The following IGF1R variants were observed in gnomAD, a reference collection of about 807,000 sequenced individuals.
IGF1R encodes insulin-like growth factor 1 receptor.
A neutral mutation model predicts 144.6 loss-of-function variants in IGF1R; 44 were observed. The observed-to-expected ratio is 0.30, with a 90% CI of 0.24 to 0.39. The LOEUF (loss-of-function observed/expected upper bound fraction) is 0.39, where lower values mean the gene tolerates loss of function less well. Ranked by LOEUF, IGF1R falls within the 10% of genes least tolerant of loss-of-function variation. The pLI is 1.00. For missense variants in IGF1R, 1,355 were observed against 1,833.7 expected (o/e 0.74, Z 4.77); for synonymous variants, 795 against 722.8 (o/e 1.10, Z -1.60).
rs1567089950 is a variant in IGF1R at position 98,712,965 on chromosome 15, C to T, written c.640+4858C>T. Among the ~76,000 whole-genome samples, 4 of 150,204 alleles carry T rather than the reference C, an allele frequency of 2.7e-5. No homozygotes were observed. In the Admixed American group the frequency reaches 2.7e-4, roughly 10 times the overall value. On this transcript the variant is annotated intron_variant, in intron 2 of 20. Coordinates refer to ENST00000650285, the MANE Select transcript of IGF1R (RefSeq NM_000875.5). ...CCCTACCTGAAATCCTGTAGCAAGTCCCTATAGGATAGGCATGTGGTACAG... is the reference window on the plus strand; with the variant it reads ...CCCTACCTGAAATCCTGTAGCAAGTTCCTATAGGATAGGCATGTGGTACAG...
chr15:98,844,277 T>C (rs1440388739), intron 2 of IGF1R, among the ~76,000 whole-genome samples: 1 of 152,174 alleles, frequency 6.6e-6, no homozygotes, highest in East Asian at 1.9e-4. Flanking sequence ...TAAATAAATT[T>C]GGAAGACAAA....
At chr15:98,666,952 G>C (rs983912583) in intron 1 of IGF1R, among the ~76,000 whole-genome samples, 7 of 151,904 alleles carry the variant, frequency 4.6e-5, no homozygotes, top group African/African-American at 1.7e-4. Flanking sequence ...TTGTTTATGC[G>C]AGTATATGTG....
intron 2 of IGF1R, among the ~76,000 whole-genome samples, chr15:98,866,759 C>T (rs999908070): frequency 5.9e-5 from 9 of 152,130 alleles, no homozygotes; most frequent in Non-Finnish European, 8.8e-5. Context: ...AATAGATAAG[C>T]ACGAGTGAGG....
At chr15:98,786,808 A>G (rs1403554554) in intron 2 of IGF1R, among the ~76,000 whole-genome samples, 1 of 152,162 alleles carries the variant, frequency 6.6e-6, no homozygotes, top group East Asian at 1.9e-4. Context: ...TGCCTGCATG[A>G]CTGTAGGACA....
At position 98,847,089 on chromosome 15, in the gene IGF1R, C is replaced by A. The variant is rs943352223; in HGVS notation, c.641-44236C>A. On this transcript the variant is annotated intron_variant, in intron 2 of 20. Coordinates refer to ENST00000650285, the MANE Select transcript of IGF1R (RefSeq NM_000875.5). ...CCTCCTGGGTTCAAGTGATTCTCATCCCTCAGTTTCCCAAGTAGCTGGGAT... is the reference window on the plus strand; with the variant it reads ...CCTCCTGGGTTCAAGTGATTCTCATACCTCAGTTTCCCAAGTAGCTGGGAT... Among the ~76,000 whole-genome samples, 9 of 152,174 alleles carry A rather than the reference C, an allele frequency of 5.9e-5. No individual in the cohort carries two copies. In the East Asian group the frequency reaches 1.5e-3, roughly 26 times the overall value.
At chr15:98,666,626 C>G (rs1169005272) in intron 1 of IGF1R, among the ~76,000 whole-genome samples, 1 of 152,114 alleles carries the variant, frequency 6.6e-6, no homozygotes, top group East Asian at 1.9e-4. Context: ...GTGAAAGAAG[C>G]CAGTCATGAA....
In IGF1R at chr15:98,957,770, TCTCTCTC is replaced by T. The variant is rs1466832391; in HGVS notation, c.*335_*341del. On this transcript the variant is annotated 3_prime_UTR_variant, in exon 21 of 21. Transcript: ENST00000650285. Reference sequence around the variant, plus strand: ...TCCCTGTCCTTCCCTGTTCTCCCTTTCTCTCTCCTCTCTGCTTCATAACGGAAAAATA... The same window carrying T: ...TCCCTGTCCTTCCCTGTTCTCCCTTTCTCTCTGCTTCATAACGGAAAAATA... The T allele has an allele frequency of 2.5e-5, 10 of 403,254 alleles. No homozygotes were observed. In the South Asian group the frequency reaches 2.7e-4, roughly 11 times the overall value. 25.0% of individuals were successfully genotyped at this position (403,254 alleles called of 1,614,324 possible).
chr15:98,826,157 C>T (rs958423979), intron 2 of IGF1R, among the ~76,000 whole-genome samples: 1 of 152,178 alleles, frequency 6.6e-6, no homozygotes, highest in African/African-American at 2.4e-5. Context: ...CAAATTTCTA[C>T]CCCAAATCTG....
intron 2 of IGF1R, among the ~76,000 whole-genome samples, chr15:98,750,975 G>C (rs1425232554): frequency 6.6e-6 from 1 of 151,870 alleles, no homozygotes; most frequent in South Asian, 2.1e-4. Context: ...TTTTTTTGTA[G>C]AGACAGGGTT....
At chr15:98,892,751 C>CA (rs2013991574) in intron 3 of IGF1R, among the ~76,000 whole-genome samples, 1 of 152,110 alleles carries the variant, frequency 6.6e-6, no homozygotes, top group Non-Finnish European at 1.5e-5. Flanking sequence ...TTTAGGGGCT[C>CA]ACGCCTGTAA....
chr15:98,957,036 C>A (rs759906076), intron 20 of IGF1R, 25 bp from the exon 21 acceptor site: 1 of 1,613,870 alleles, frequency 6.2e-7, no homozygotes, highest in Non-Finnish European at 8.5e-7. Context: ...CGGTTTGGAC[C>A]CCCTCCCGTG....
At chr15:98,702,659 G>A (rs2053764312) in intron 1 of IGF1R, among the ~76,000 whole-genome samples, 1 of 152,166 alleles carries the variant, frequency 6.6e-6, no homozygotes, top group South Asian at 2.1e-4. Flanking sequence ...GCATCTTTTG[G>A]CCAGGTGTGG....
rs1184695676 is a variant in IGF1R at position 98,916,783 on chromosome 15, C to G, written c.2108C>G (p.Pro703Arg). Residue 703 changes from proline (P) to arginine (R), a missense_variant, in exon 10 of 21, where the codon CCC becomes CGC. Physicochemically the swap from Pro to Arg is moderately radical, Grantham distance 103 (BLOSUM62 -2). Around this residue, in one of 7 missense-constraint regions of IGF1R, gnomAD observed 880 missense variants for 1,202.7 expected, o/e 0.73. Coordinates refer to ENST00000650285, the MANE Select transcript of IGF1R (RefSeq NM_000875.5). ...GGEKGPCCACPKTEAEKQAEK... is the reference protein window; with the variant it reads ...GGEKGPCCACRKTEAEKQAEK... ...GAGAAAGGGCCTTGCTGCGCCTGCC[C>G]CAAAACTGAAGCCGAGAAGCAGGCC... The G allele has an allele frequency of 6.2e-7, 1 of 1,614,040 alleles. No homozygotes were observed.
At chr15:98,859,347 G>A (rs918004286) in intron 2 of IGF1R, among the ~76,000 whole-genome samples, 3 of 152,162 alleles carry the variant, frequency 2.0e-5, no homozygotes, top group East Asian at 1.9e-4. Context: ...CACACACTTC[G>A]CAGGTGGTAA....
rs1242386396 is a variant in IGF1R at position 98,671,575 on chromosome 15, C to T, written c.94+21900C>T. On this transcript the variant is annotated intron_variant, in intron 1 of 20. Coordinates refer to ENST00000650285, the MANE Select transcript of IGF1R (RefSeq NM_000875.5). ...CTGGCCCTTCTCTTTTCTCTCAAGT[C>T]TCAGCTCTTTTAAGATTCAGAAAAT... Among the ~76,000 whole-genome samples the T allele has an allele frequency of 9.9e-5, 15 of 152,206 alleles. 1 individual carries two copies. Among genetic ancestry groups the T allele is most frequent in the Admixed American group, 9.8e-4 (15 of 15,278 alleles).
Position 98,963,649 on chromosome 15 carries a change from G to C in IGF1R, c.*6207G>C, listed in dbSNP as rs2017314152. ...TCATGATGATTACAGCATACACAGT[G>C]ATCACATAAACGATGACAGCTATGG... On this transcript the variant is annotated 3_prime_UTR_variant, in exon 21 of 21. Coordinates refer to ENST00000650285, the MANE Select transcript of IGF1R (RefSeq NM_000875.5). The C allele has an allele frequency of 8.6e-6, 2 of 233,182 alleles. No homozygotes were observed. Among genetic ancestry groups the C allele is most frequent in the African/African-American group, 4.4e-5 (2 of 45,338 alleles). 14.4% of individuals were successfully genotyped at this position (233,182 alleles called of 1,614,324 possible).
chr15:98,892,982 A>T (rs2014003202), intron 3 of IGF1R, among the ~76,000 whole-genome samples: 1 of 152,150 alleles, frequency 6.6e-6, no homozygotes, highest in African/African-American at 2.4e-5. Context: ...GCCTCACTGC[A>T]CTCCAGCACA....
intron 2 of IGF1R, among the ~76,000 whole-genome samples, chr15:98,733,000 A>T (rs1402196963): frequency 2.6e-5 from 4 of 152,134 alleles, no homozygotes; most frequent in Non-Finnish European, 5.9e-5. Flanking sequence ...CCCTCACGCG[A>T]GCCCATTTTT....
chr15:98,689,648 G>C (rs1308330887), intron 1 of IGF1R, among the ~76,000 whole-genome samples: 1 of 152,160 alleles, frequency 6.6e-6, no homozygotes, highest in East Asian at 1.9e-4. Context: ...CAGGGACCTT[G>C]CATAGTTTAA....
Sources: gnomAD v4.1 joint callset for allele counts (sites outside exome capture counted in the v4.1 genomes callset) on GRCh38, gnomAD v4.1.1 for gene constraint, gnomAD v4.1.1 regional missense constraint, MANE v1.5 for transcripts, NCBI Gene and HGNC (gene_info 2026-07-23, HGNC 2026-07-21) for gene names.